ECE1: variants seen among roughly 807,000 people sequenced by gnomAD.
The protein encoded by ECE1 is endothelin converting enzyme 1.
ECE1 carries 35 observed loss-of-function variants against 98.6 expected under a neutral mutation model. The ratio of observed to expected loss-of-function variants is 0.35; its 90% confidence interval spans 0.27 to 0.47. The LOEUF (loss-of-function observed/expected upper bound fraction) is 0.47. Among genes scored for constraint, ECE1 ranks in the 20% least tolerant of loss-of-function variants. The probability of loss-of-function intolerance (pLI) is 1.00; values close to 1 mark genes in which losing one functional copy is unlikely to be tolerated. For synonymous variants in ECE1, 394 were observed against 407.1 expected (o/e 0.97, Z 0.39); for missense variants, 814 against 1,025.3 (o/e 0.79, Z 2.81).
intron 2 of ECE1, among the ~76,000 whole-genome samples, chr1:21,289,066 G>A (rs3026852): frequency 0.03 from 4,539 of 152,292 alleles, 214 homozygotes; most frequent in African/African-American, 0.1. Flanking sequence ...GCGTATCTGA[G>A]TGGAGTGGGC....
At chr1:21,281,135 A>G (rs1396623872) in intron 2 of ECE1, among the ~76,000 whole-genome samples, 1 of 152,180 alleles carries the variant, frequency 6.6e-6, no homozygotes, top group Non-Finnish European at 1.5e-5. Flanking sequence ...GGTTGCAGTG[A>G]GCTGAGATTG....
rs1362971174 is a variant in ECE1, at chr1:21,257,520, C to T, written c.828+5G>A. On this transcript the variant is annotated splice_donor_5th_base_variant and intron_variant, in intron 7 of 18. Transcript: ENST00000374893. ...GGCAGGCTGGGAGGGGAGAGGCACG[C>T]TTACCTTCTCGTTTTCAGTTTTGTT... 4.3e-6 allele frequency: 7 copies of T among 1,614,202 alleles called. No homozygotes were observed. Among genetic ancestry groups the T allele is most frequent in the Admixed American group, 1.7e-5 (1 of 60,014 alleles).
chr1:21,254,978 C>T (rs547237438), intron 8 of ECE1, among the ~76,000 whole-genome samples: 7 of 152,332 alleles, frequency 4.6e-5, no homozygotes, highest in South Asian at 2.1e-4. Flanking sequence ...TCCCAGGGCC[C>T]GCTGCTTTTG....
At chr1:21,330,615 A>ACTG (rs1639179202) in intron 1 of ECE1, among the ~76,000 whole-genome samples, 1 of 152,172 alleles carries the variant, frequency 6.6e-6, no homozygotes, top group Non-Finnish European at 1.5e-5. Context: ...AGGCACAGAC[A>ACTG]CTGCCATGCC....
intron 1 of ECE1, among the ~76,000 whole-genome samples, chr1:21,301,480 G>A (rs985986749): frequency 2.6e-5 from 4 of 151,108 alleles, no homozygotes; most frequent in Non-Finnish European, 4.4e-5. Context: ...GGGCGACAGC[G>A]AGACTCCGTC....
chr1:21,232,610 T>C (rs1012104144), intron 14 of ECE1, among the ~76,000 whole-genome samples: 2 of 151,912 alleles, frequency 1.3e-5, no homozygotes, highest in African/African-American at 4.8e-5. Context: ...GAGGAGACAG[T>C]AATAAAAAGG....
intron 1 of ECE1, among the ~76,000 whole-genome samples, chr1:21,312,200 G>A (rs926820395): frequency 6.6e-6 from 1 of 151,494 alleles, no homozygotes; most frequent in African/African-American, 2.4e-5. Flanking sequence ...CTACTCAGGA[G>A]GCTAAGGCGG....
intron 4 of ECE1, among the ~76,000 whole-genome samples, chr1:21,262,138 G>A (rs977775080): frequency 1.3e-5 from 2 of 152,162 alleles, no homozygotes; most frequent in Admixed American, 6.5e-5. Context: ...AAAGGGGGAC[G>A]GGACCAGCTT....
intron 1 of ECE1, among the ~76,000 whole-genome samples, chr1:21,306,226 G>A (rs1027747947): frequency 6.6e-6 from 1 of 152,190 alleles, no homozygotes; most frequent in Non-Finnish European, 1.5e-5. Context: ...TTGTAATACA[G>A]GGAGAGACAA....
intron 1 of ECE1, among the ~76,000 whole-genome samples, chr1:21,343,855 G>A (rs1409767123): frequency 6.6e-6 from 1 of 152,164 alleles, no homozygotes; most frequent in African/African-American, 2.4e-5. Flanking sequence ...TTCTTTATGA[G>A]TAACTCAGGG....
chr1:21,246,511 A>G (rs1428206127), intron 9 of ECE1, among the ~76,000 whole-genome samples: 1 of 147,094 alleles, frequency 6.8e-6, no homozygotes, highest in Non-Finnish European at 1.5e-5. Flanking sequence ...AAAAAAAAAA[A>G]AAAGAAAAGA....
chr1:21,280,555 G>A (rs2098253219), intron 2 of ECE1, among the ~76,000 whole-genome samples: 1 of 152,194 alleles, frequency 6.6e-6, no homozygotes, highest in Admixed American at 6.5e-5. Flanking sequence ...CTTGAGGACT[G>A]GAGTGACATG....
Position 21,225,137 on chromosome 1 carries a change from A to G in ECE1, c.2040+113T>C. 1 of 1,408,210 alleles carries G rather than the reference A, an allele frequency of 7.1e-7. No individual in the cohort carries two copies. Among genetic ancestry groups the G allele is most frequent in the South Asian group, 1.3e-5 (1 of 78,408 alleles). The allele number at this position is 1,408,210 out of a possible 1,614,324, so 87.2% of individuals were successfully genotyped here. A position where few individuals can be genotyped will look rare whatever the true frequency, so the allele number is the denominator to read the frequency against. On this transcript the variant is annotated intron_variant, in intron 17 of 18. Transcript: ENST00000374893. This position sits in a 1 kb window ranked among gnomAD's most constrained non-coding sequence, Gnocchi z 5.3. Reference sequence around the variant, plus strand: ...CCCAATTTCGCAGAAGAGGAAACGGAAGCTCGCACGGCTGCTGCGCCTGCC... The same window carrying G: ...CCCAATTTCGCAGAAGAGGAAACGGGAGCTCGCACGGCTGCTGCGCCTGCC...
rs1558431186 is a variant in ECE1, at chr1:21,319,353, A to ATAATCATAATC, written c.3+26022_3+26023insGATTATGATTA. Among the ~76,000 whole-genome samples the ATAATCATAATC allele has an allele frequency of 1.1e-3, 167 of 150,066 alleles. No homozygotes were observed. The highest frequency in any genetic ancestry group is 3.9e-3 in the African/African-American group (158 of 40,514). ...GAGCGAGACTCCGTCTCAAAATAAT[A>ATAATCATAATC]ATAATCATAATCATAATCATAATCA... On this transcript the variant is annotated intron_variant, in intron 1 of 18. Coordinates refer to the ECE1 transcript ENST00000415912. This position sits in a 1 kb window ranked among gnomAD's most constrained non-coding sequence, Gnocchi z 4.4.
chr1:21,286,333 T>C (rs1278569413), intron 2 of ECE1, among the ~76,000 whole-genome samples: 1 of 152,230 alleles, frequency 6.6e-6, no homozygotes, highest in Non-Finnish European at 1.5e-5. Flanking sequence ...ATGTCACTCA[T>C]AGTGAGTTTC....
chr1:21,337,233 C>T (rs188377890), intron 1 of ECE1, among the ~76,000 whole-genome samples: 1 of 152,194 alleles, frequency 6.6e-6, no homozygotes, highest in African/African-American at 2.4e-5. Flanking sequence ...CCACCCAATG[C>T]GGCACGACTC....
intron 10 of ECE1, among the ~76,000 whole-genome samples, chr1:21,240,401 C>T (rs1046683375): frequency 3.3e-5 from 5 of 149,844 alleles, no homozygotes; most frequent in East Asian, 2.0e-4. Flanking sequence ...GCACAAGAAT[C>T]GCTTGAACCC....
chr1:21,308,736 G>A (rs1465430552), intron 1 of ECE1, among the ~76,000 whole-genome samples: 1 of 146,012 alleles, frequency 6.8e-6, no homozygotes, highest in African/African-American at 2.8e-5. Context: ...AGGGGCTTGA[G>A]TCTGGGTACT....
rs1418994354 is a variant in ECE1, at chr1:21,235,614, C to T, written c.1566+236G>A. Reference sequence around the variant, plus strand: ...CACGGGTTCTGTACTGACTGGTGGGCACTGCTGATGGATGGTGGCTATGGG... The same window carrying T: ...CACGGGTTCTGTACTGACTGGTGGGTACTGCTGATGGATGGTGGCTATGGG... On this transcript the variant is annotated intron_variant, in intron 13 of 18. Coordinates refer to ENST00000374893, the MANE Select transcript of ECE1 (RefSeq NM_001397.3). This position sits in a 1 kb window ranked among gnomAD's most constrained non-coding sequence, Gnocchi z 4.2. 6.6e-6 allele frequency among the ~76,000 whole-genome samples: 1 copy of T among 152,198 alleles called. No individual in the cohort carries two copies. Among genetic ancestry groups the T allele is most frequent in the Non-Finnish European group, 1.5e-5 (1 of 68,030 alleles).
Sources: allele counts gnomAD v4.1 joint callset (sites outside exome capture counted in the v4.1 genomes callset), GRCh38; gene constraint gnomAD v4.1.1; non-coding constraint Gnocchi (gnomAD v3.1); transcripts MANE v1.5; gene names NCBI Gene and HGNC (gene_info 2026-07-23, HGNC 2026-07-21).